Variants in TOPAZ1 observed in about 807,000 individuals in gnomAD.
TOPAZ1 encodes the protein protein TOPAZ1.
In TOPAZ1, 66 loss-of-function variants were observed where a neutral mutation model predicts 172.2. That is an observed-to-expected ratio of 0.38 (90% CI 0.31 to 0.47). The LOEUF (loss-of-function observed/expected upper bound fraction) is 0.47, where lower values mean the gene tolerates loss of function less well. Among genes scored for constraint, TOPAZ1 ranks in the 20% least tolerant of loss-of-function variants. The probability of loss-of-function intolerance (pLI) is 0.99; values close to 1 mark genes in which losing one functional copy is unlikely to be tolerated. For synonymous variants in TOPAZ1, 681 were observed against 683.9 expected (o/e 1.00, Z 0.07); for missense variants, 1,822 against 1,972.4 (o/e 0.92, Z 1.44).
chr3:44,242,185 G>A lies in TOPAZ1; in HGVS notation c.132G>A (p.Arg44=). 2 of 1,542,620 alleles carry A rather than the reference G, an allele frequency of 1.3e-6. No homozygotes were observed. The highest frequency in any genetic ancestry group is 2.4e-5 in the South Asian group (2 of 83,212). ...GGCGPEAGGC[R]ENKQKRRMVA... The stretch of plus-strand genomic sequence containing the variant: ...GTGGCCCTGAGGCCGGGGGGTGCCG[G>A]GAAAATAAGCAAAAGAGGAGAATGG... Residue 44 remains arginine (R), a synonymous_variant, in exon 1 of 20, where the codon CGG becomes CGA. Transcript: ENST00000309765.
chr3:44,290,686 G>T, intron 11 of TOPAZ1, 85 bp from the exon 12 acceptor site: 1 of 754,488 alleles, frequency 1.3e-6, no homozygotes, highest in South Asian at 1.8e-5. Flanking sequence ...TCTTCCATTA[G>T]TGTCTTAGTT....
chr3:44,322,484 G>A (rs927844440), intron 17 of TOPAZ1, among the ~76,000 whole-genome samples: 10 of 152,186 alleles, frequency 6.6e-5, no homozygotes, highest in African/African-American at 2.2e-4. Flanking sequence ...TGAAATTTTT[G>A]TCAAGCTTCT....
At chr3:44,286,061 A>G (rs1700075725) in intron 9 of TOPAZ1, among the ~76,000 whole-genome samples, 1 of 151,848 alleles carries the variant, frequency 6.6e-6, no homozygotes, top group Admixed American at 6.6e-5. Flanking sequence ...ATGCAAAAAA[A>G]AAACCTAACC....
At chr3:44,257,467 ATAGTGTGTGTGT>A (rs1323131713) in intron 4 of TOPAZ1, among the ~76,000 whole-genome samples, 2,330 of 106,034 alleles carry the variant, frequency 0.022, 58 homozygotes, top group African/African-American at 0.036. Flanking sequence ...ATATATATAT[ATAGTGTGTGTGT>A]GTGTGTGTGT....
chr3:44,289,766 G>A (rs1001620649), intron 11 of TOPAZ1, among the ~76,000 whole-genome samples: 3 of 152,032 alleles, frequency 2.0e-5, no homozygotes, highest in Non-Finnish European at 4.4e-5. Context: ...GTATTGTTTT[G>A]TTATCCTACC....
intron 1 of TOPAZ1, 135 bp from the exon 2 acceptor site, chr3:44,242,718 A>T: frequency 1.3e-6 from 1 of 764,928 alleles, no homozygotes; most frequent in Non-Finnish European, 2.0e-6. Context: ...GCTTTCATTT[A>T]AAAACAAATG....
chr3:44,257,123 A>AT (rs1699713085), intron 4 of TOPAZ1, among the ~76,000 whole-genome samples: 1 of 151,928 alleles, frequency 6.6e-6, no homozygotes, highest in Non-Finnish European at 1.5e-5. Flanking sequence ...GAGGCCAGGA[A>AT]TTTGAGACCA....
intron 2 of TOPAZ1, among the ~76,000 whole-genome samples, chr3:44,248,667 A>C (rs958953746): frequency 4.6e-5 from 7 of 152,208 alleles, no homozygotes; most frequent in Non-Finnish European, 7.3e-5. Context: ...CCCTTTTACC[A>C]GTCAGTTACT....
At position 44,244,358 on chromosome 3, in the gene TOPAZ1, T is replaced by C; in HGVS notation, c.1852T>C (p.Leu618=). The C allele has an allele frequency of 6.4e-7, 1 of 1,550,824 alleles. No individual in the cohort carries two copies. Among genetic ancestry groups the C allele is most frequent in the Non-Finnish European group, 8.7e-7 (1 of 1,146,780 alleles). ...VISNTTEDTQ[L]TSETQSLTGN... ...TTCTAACACTACTGAAGATACTCAA[T>C]TAACCAGTGAGACTCAAAGCTTAAC... Residue 618 remains leucine (L), a synonymous_variant, in exon 2 of 20, where the codon TTA becomes CTA. Coordinates refer to ENST00000309765, the MANE Select transcript of TOPAZ1 (RefSeq NM_001145030.2).
intron 12 of TOPAZ1, among the ~76,000 whole-genome samples, chr3:44,296,103 C>T (rs2125695885): frequency 6.6e-6 from 1 of 152,228 alleles, no homozygotes; most frequent in East Asian, 1.9e-4. Context: ...AATTAAACAA[C>T]ACATTTCTCT....
At chr3:44,318,097 C>T (rs936956021) in intron 16 of TOPAZ1, among the ~76,000 whole-genome samples, 12 of 152,094 alleles carry the variant, frequency 7.9e-5, no homozygotes, top group Middle Eastern at 3.4e-3. Context: ...GCCTGTGGCC[C>T]GGGGTGATGA....
At chr3:44,297,824 A>G (rs1575726234) in intron 12 of TOPAZ1, among the ~76,000 whole-genome samples, 1 of 152,178 alleles carries the variant, frequency 6.6e-6, no homozygotes, top group South Asian at 2.1e-4. Flanking sequence ...AAAATCAACC[A>G]TATTTCTATA....
chr3:44,242,211 T>TG lies in TOPAZ1; in HGVS notation c.160dup (p.Ala54GlyfsTer13). 2 of 1,541,272 alleles carry TG rather than the reference T, an allele frequency of 1.3e-6. No homozygotes were observed. The highest frequency in any genetic ancestry group is 1.7e-6 in the Non-Finnish European group (2 of 1,143,198). ...GAAAATAAGCAAAAGAGGAGAATGG[T>TG]GGCCCGGGCCACCCCTGGGAGAGGC... is the stretch of plus-strand genomic sequence containing the variant. On this transcript the variant is annotated frameshift_variant, in exon 1 of 20. Coordinates refer to ENST00000309765, the MANE Select transcript of TOPAZ1 (RefSeq NM_001145030.2). LOFTEE classifies it high-confidence loss of function.
intron 7 of TOPAZ1, 39 bp downstream of exon 7, chr3:44,269,340 T>G: frequency 8.0e-7 from 1 of 1,251,380 alleles, no homozygotes; most frequent in South Asian, 1.3e-5. Flanking sequence ...TCTGTCTCTT[T>G]CTCCTCCCCC....
chr3:44,313,088 A>G (rs924690866), intron 16 of TOPAZ1, among the ~76,000 whole-genome samples: 2 of 152,156 alleles, frequency 1.3e-5, no homozygotes, highest in Non-Finnish European at 2.9e-5. Flanking sequence ...AGACAGATGG[A>G]TAGATCTGTC....
At chr3:44,245,330 C>T (rs1377456217) in intron 2 of TOPAZ1, 59 bp downstream of exon 2, 19 of 1,445,590 alleles carry the variant, frequency 1.3e-5, no homozygotes, top group Non-Finnish European at 1.6e-5. Context: ...AAAGCAGTCT[C>T]TTAAGTTTCA....
rs576588836 is a variant in TOPAZ1, at chr3:44,286,200, G to A, written c.3437-1189G>A. Among the ~76,000 whole-genome samples, 93 of 152,226 alleles carry A rather than the reference G, an allele frequency of 6.1e-4. 5 individuals carry two copies. The South Asian group carries it at 0.019, about 31-fold the overall frequency. On this transcript the variant is annotated intron_variant, in intron 9 of 19. Coordinates refer to ENST00000309765, the MANE Select transcript of TOPAZ1 (RefSeq NM_001145030.2). ...ACTGCACTCCAGCCTGGGTGACAGA[G>A]CGATACTCTGTCTCAAAAAAATAAA...
At chr3:44,272,772 G>A (rs1444479288) in intron 8 of TOPAZ1, among the ~76,000 whole-genome samples, 6 of 152,120 alleles carry the variant, frequency 3.9e-5, no homozygotes. Flanking sequence ...TGTTGGCCAG[G>A]ATGGTCCCCA....
chr3:44,283,386 C>T (rs1281987836), intron 9 of TOPAZ1, among the ~76,000 whole-genome samples: 1 of 152,056 alleles, frequency 6.6e-6, no homozygotes, highest in East Asian at 1.9e-4. Context: ...GATAAGATAA[C>T]TAGATAGCAA....
Sources: allele counts gnomAD v4.1 joint callset (sites outside exome capture counted in the v4.1 genomes callset), GRCh38; gene constraint gnomAD v4.1.1; transcripts MANE v1.5; gene names NCBI Gene and HGNC (gene_info 2026-07-23, HGNC 2026-07-21).